The following SPG7 variants were observed in gnomAD, a reference collection of about 807,000 sequenced individuals.
SPG7 encodes the protein mitochondrial inner membrane m-AAA protease component paraplegin.
In SPG7, 103 loss-of-function variants were observed where a neutral mutation model predicts 81.9. The ratio of observed to expected loss-of-function variants is 1.26; its 90% CI spans 1.07 to 1.48. SPG7 has a LOEUF of 1.48. SPG7 is among the 40% of genes most tolerant of loss of function. The pLI is 0.00. For missense variants in SPG7, 1,241 were observed against 1,087.3 expected, an observed-to-expected ratio of 1.14 and a Z score of -1.99; for synonymous variants, 534 against 444.2, an observed-to-expected ratio of 1.20 and a Z score of -2.54.
intron 3 of SPG7, among the ~76,000 whole-genome samples, chr16:89,515,170 T>A (rs1301768110): frequency 6.6e-6 from 1 of 151,336 alleles, no homozygotes; most frequent in Non-Finnish European, 1.5e-5. Flanking sequence ...TCTCCTGACC[T>A]CGTGATCTGC....
chr16:89,529,731 A>C, intron 6 of SPG7, 152 bp downstream of exon 6: 1 of 709,250 alleles, frequency 1.4e-6, no homozygotes, highest in Non-Finnish European at 2.6e-6. Flanking sequence ...TTCCTTTCCC[A>C]TGGTCCGGCT....
In SPG7 at chr16:89,531,065, C is replaced by T. The variant is rs185268717; in HGVS notation, c.987+257C>T. 2.3e-5 allele frequency: 13 copies of T among 577,708 alleles called. No individual in the cohort carries two copies. The Admixed American group carries it at 3.2e-4, about 14-fold the overall frequency. The allele number at this position is 577,708 out of a possible 1,614,324, so 35.8% of individuals were successfully genotyped here. ...GTGCCGTTAGCCGTCCTGGGCCCTT[C>T]ATCCCTTGCAAAGCTCTGTGCTTTT... On this transcript the variant is annotated intron_variant, in intron 7 of 16. Coordinates refer to ENST00000645818, the MANE Select transcript of SPG7 (RefSeq NM_003119.4).
intron 3 of SPG7, chr16:89,517,234 C>T (rs1170611995): frequency 6.6e-6 from 1 of 152,052 alleles, no homozygotes; most frequent in Non-Finnish European, 1.5e-5. Context: ...CCACTAATAA[C>T]TCTGATTCCT....
chr16:89,532,438 C>T, intron 8 of SPG7, 25 bp from the exon 9 acceptor site: 1 of 1,613,050 alleles, frequency 6.2e-7, no homozygotes, highest in Admixed American at 1.7e-5. Flanking sequence ...CTGCCCATTT[C>T]CTGATTCTCT....
Position 89,508,607 on chromosome 16 carries a change from C to G in SPG7, c.183+7C>G. The G allele has an allele frequency of 2.1e-6, 3 of 1,455,288 alleles. No individual in the cohort carries two copies. The highest frequency in any genetic ancestry group is 2.7e-6 in the Non-Finnish European group (3 of 1,108,762). 90.1% of individuals were successfully genotyped at this position (1,455,288 alleles called of 1,614,324 possible). On this transcript the variant is annotated splice_region_variant and intron_variant, in intron 1 of 16. Coordinates refer to ENST00000645818, the MANE Select transcript of SPG7 (RefSeq NM_003119.4). The stretch of plus-strand genomic sequence containing the variant: ...TGGAGGCCGAGCTCTGCAGGTAAAT[C>G]CCCGCGGAGTCCGGGCCCCACCTCC...
intron 16 of SPG7, chr16:89,555,906 G>C (rs2058683328): frequency 7.5e-6 from 3 of 398,856 alleles, no homozygotes; most frequent in Non-Finnish European, 1.3e-5. Flanking sequence ...TGGGGATCGT[G>C]TTTGGGGCCC....
chr16:89,547,064 G>A (rs1214019408), intron 11 of SPG7: 9 of 388,290 alleles, frequency 2.3e-5, no homozygotes, highest in East Asian at 5.9e-5. Context: ...GGCGTTTCCC[G>A]TCAGACCCAG....
In SPG7 at chr16:89,550,480, C is replaced by G. The variant is rs199709217; in HGVS notation, c.1664-14C>G. The G allele has an allele frequency of 4.6e-5, 74 of 1,593,412 alleles. No homozygotes were observed. Among genetic ancestry groups the G allele is most frequent in the Non-Finnish European group, 5.2e-6 (6 of 1,162,208 alleles). ...GAGCCACCGCGCCCAACTCATACCC[C>G]GGCATTCTTTCAGGGACTGCCAAAA... On this transcript the variant is annotated splice_polypyrimidine_tract_variant and intron_variant, in intron 12 of 16. Coordinates refer to ENST00000645818, the MANE Select transcript of SPG7 (RefSeq NM_003119.4).
intron 9 of SPG7, chr16:89,541,440 T>G (rs2058495335): frequency 3.0e-6 from 2 of 656,564 alleles, no homozygotes; most frequent in Non-Finnish European, 1.9e-6. Flanking sequence ...TTACTGGTTG[T>G]CAGCAGTTAG....
At chr16:89,542,611 G>A (rs1342972086) in intron 9 of SPG7, among the ~76,000 whole-genome samples, 1 of 152,178 alleles carries the variant, frequency 6.6e-6, no homozygotes, top group Non-Finnish European at 1.5e-5. Flanking sequence ...GCTTGGGAGT[G>A]GGGTGTGTCT....
At chr16:89,516,893 G>A (rs1053255322) in intron 3 of SPG7, 15 of 151,582 alleles carry the variant, frequency 9.9e-5, no homozygotes, top group African/African-American at 3.1e-4. Flanking sequence ...AGAAAAAAGC[G>A]ACGGCGAGAC....
At chr16:89,530,449 A>AT (rs1360406316) in intron 6 of SPG7, 18 of 580,032 alleles carry the variant, frequency 3.1e-5, no homozygotes, top group Non-Finnish European at 4.6e-5. Context: ...TGGCTGAGTA[A>AT]TTTTTTTTAA....
chr16:89,526,567 ATAGTTAAC>A, intron 5 of SPG7, 99 bp downstream of exon 5: 1 of 1,353,506 alleles, frequency 7.4e-7, no homozygotes, highest in Admixed American at 1.7e-5. Flanking sequence ...GTCTTTGCCT[ATAGTTAAC>A]TAGACTTTTT....
In SPG7 at chr16:89,557,527, G is replaced by C; in HGVS notation, c.*434G>C. ...GGGATCGGACATGAAAGGACCCTGT[G>C]AGCCGATTGTCCTATCTCCAGCGGC... On this transcript the variant is annotated 3_prime_UTR_variant, in exon 17 of 17. Coordinates refer to ENST00000645818, the MANE Select transcript of SPG7 (RefSeq NM_003119.4). 1 of 224,134 alleles carries C rather than the reference G, an allele frequency of 4.5e-6. No homozygotes were observed. The highest frequency in any genetic ancestry group is 9.1e-6 in the Non-Finnish European group (1 of 109,814). The allele number at this position is 224,134 out of a possible 1,614,324, so 13.9% of individuals were successfully genotyped here.
chr16:89,550,413 T>G, intron 12 of SPG7, 81 bp from the exon 13 acceptor site: 1 of 945,192 alleles, frequency 1.1e-6, no homozygotes. Flanking sequence ...CCTCAGGTCA[T>G]CCGCCCGCCT....
At chr16:89,514,397 T>C (rs2152395355) in intron 3 of SPG7, 1 of 131,858 alleles carries the variant, frequency 7.6e-6, no homozygotes, top group East Asian at 2.6e-4. Flanking sequence ...CTCAGCTCAA[T>C]GCAACCTCCC....
intron 13 of SPG7, chr16:89,551,279 C>T (rs920932911): frequency 1.2e-5 from 2 of 168,418 alleles, no homozygotes; most frequent in Admixed American, 5.4e-5. Flanking sequence ...CCTGAGAAGG[C>T]GGCAGTGCTG....
At chr16:89,537,529 C>T (rs1452449625) in intron 9 of SPG7, 5 of 989,160 alleles carry the variant, frequency 5.1e-6, no homozygotes, top group Admixed American at 1.2e-4. Flanking sequence ...ACATTTTATG[C>T]TTCGACTTTT....
Position 89,551,182 on chromosome 16 carries a change from G to A in SPG7, c.1779+573G>A, listed in dbSNP as rs533612399. 170 of 185,446 alleles carry A rather than the reference G, an allele frequency of 9.2e-4. 1 individual carries two copies. Among genetic ancestry groups the A allele is most frequent in the African/African-American group, 3.7e-3 (161 of 43,048 alleles). 11.5% of individuals were successfully genotyped at this position (185,446 alleles called of 1,614,324 possible). A position where few individuals can be genotyped will look rare whatever the true frequency, so the allele number is the denominator to read the frequency against. On this transcript the variant is annotated intron_variant, in intron 13 of 16. Coordinates refer to ENST00000645818, the MANE Select transcript of SPG7 (RefSeq NM_003119.4). ...GACGTGGCTCCACCACCGGGAGTCC[G>A]AGTGCTGCCAAGAGGAGGTCTCTAC...
Sources: gnomAD v4.1 joint callset for allele counts (sites outside exome capture counted in the v4.1 genomes callset) on GRCh38, gnomAD v4.1.1 for gene constraint, MANE v1.5 for transcripts, NCBI Gene and HGNC (gene_info 2026-07-23, HGNC 2026-07-21) for gene names.